TBL1XR1: variants seen among roughly 807,000 people sequenced by gnomAD.
TBL1XR1 encodes F-box-like/WD repeat-containing protein TBL1XR1.
TBL1XR1 carries 5 observed loss-of-function variants against 66.9 expected under a neutral mutation model. The ratio of observed to expected loss-of-function variants is 0.07; its 90% CI spans 0.04 to 0.16. TBL1XR1 has a LOEUF of 0.16. TBL1XR1 is among the 10% of genes least tolerant of loss of function. The probability of loss-of-function intolerance (pLI) is 1.00; values close to 1 mark genes in which losing one functional copy is unlikely to be tolerated. For missense variants in TBL1XR1, 238 were observed against 623.2 expected (o/e 0.38, Z 6.58); for synonymous variants, 210 against 206.0 (o/e 1.02, Z -0.17).
chr3:177,162,949 T>C (rs1458650234), intron 1 of TBL1XR1, among the ~76,000 whole-genome samples: 1 of 152,230 alleles, frequency 6.6e-6, no homozygotes, highest in East Asian at 1.9e-4. Flanking sequence ...AGAGCAGGAA[T>C]GTAAACCGGT....
At chr3:177,031,034 C>T (rs902382051) in intron 14 of TBL1XR1, among the ~76,000 whole-genome samples, 4 of 152,172 alleles carry the variant, frequency 2.6e-5, no homozygotes, top group Non-Finnish European at 4.4e-5. Context: ...ATCGCTTGAA[C>T]CCAGGAGGTG....
intron 1 of TBL1XR1, 74 bp downstream of exon 1, chr3:177,197,047 G>A (rs1736958190): frequency 1.0e-5 from 1 of 97,044 alleles, no homozygotes; most frequent in Admixed American, 1.1e-4. Flanking sequence ...CAGCGCCCCC[G>A]GCCGCCTCTG....
chr3:177,178,192 A>T (rs1734380394), intron 1 of TBL1XR1, among the ~76,000 whole-genome samples: 1 of 152,204 alleles, frequency 6.6e-6, no homozygotes, highest in South Asian at 2.1e-4. Context: ...GCCAGGGGCC[A>T]GATCGCACAG....
rs1726830490 is a variant in TBL1XR1, at chr3:177,120,275, ACCT to A, written c.-121-21737_-121-21735del. Among the ~76,000 whole-genome samples the A allele has an allele frequency of 4.6e-5, 7 of 151,324 alleles. 1 individual carries two copies. In the South Asian group the frequency reaches 1.5e-3, roughly 32 times the overall value. On this transcript the variant is annotated intron_variant, in intron 1 of 15. Coordinates refer to ENST00000457928, the MANE Select transcript of TBL1XR1 (RefSeq NM_024665.7). ...CTGTCTACCTTTCAAGATGCAGATG[ACCT>A]CCTTCCTGATGAAAGCTTTCTCTTA...
chr3:177,080,211 A>G (rs1721227528), intron 2 of TBL1XR1, among the ~76,000 whole-genome samples: 1 of 152,220 alleles, frequency 6.6e-6, no homozygotes, highest in Non-Finnish European at 1.5e-5. Flanking sequence ...TAACTGCTAG[A>G]AAGGTTTTTA....
At chr3:177,075,790 A>AC (rs1189856525) in intron 2 of TBL1XR1, among the ~76,000 whole-genome samples, 3 of 152,180 alleles carry the variant, frequency 2.0e-5, no homozygotes, top group Non-Finnish European at 4.4e-5. Context: ...AATTAGCGTG[A>AC]CAATAAAGTA....
intron 1 of TBL1XR1, among the ~76,000 whole-genome samples, chr3:177,154,685 G>A (rs1217783123): frequency 2.6e-5 from 4 of 152,002 alleles, no homozygotes; most frequent in Admixed American, 1.3e-4. Flanking sequence ...ATGAGCCACC[G>A]CGCCCGGCCG....
At chr3:177,115,443 T>C (rs1325099355) in intron 1 of TBL1XR1, among the ~76,000 whole-genome samples, 3 of 152,174 alleles carry the variant, frequency 2.0e-5, no homozygotes, top group Non-Finnish European at 4.4e-5. Context: ...GTCATTATCA[T>C]AGTCATATTG....
intron 1 of TBL1XR1, among the ~76,000 whole-genome samples, chr3:177,163,616 T>C (rs1170187608): frequency 1.3e-5 from 2 of 152,144 alleles, no homozygotes; most frequent in Non-Finnish European, 2.9e-5. Context: ...TATTTGTATT[T>C]AAAACAATAC....
chr3:177,188,090 C>A (rs1454077068), intron 1 of TBL1XR1, among the ~76,000 whole-genome samples: 1 of 151,886 alleles, frequency 6.6e-6, no homozygotes, highest in Non-Finnish European at 1.5e-5. Context: ...TGCCACCACA[C>A]CCGGCTAATT....
chr3:177,185,426 T>C (rs1245097707), intron 1 of TBL1XR1, among the ~76,000 whole-genome samples: 1 of 151,980 alleles, frequency 6.6e-6, no homozygotes, highest in Non-Finnish European at 1.5e-5. Flanking sequence ...CTGGCCAACA[T>C]GGCGAAACCC....
At chr3:177,174,971 C>T (rs145991528) in intron 1 of TBL1XR1, among the ~76,000 whole-genome samples, 1 of 152,272 alleles carries the variant, frequency 6.6e-6, no homozygotes, top group Non-Finnish European at 1.5e-5. Context: ...CATCATTTAC[C>T]AACTTAAAAA....
intron 12 of TBL1XR1, among the ~76,000 whole-genome samples, chr3:177,035,069 G>A (rs1303882072): frequency 6.6e-6 from 1 of 152,054 alleles, no homozygotes; most frequent in Non-Finnish European, 1.5e-5. Flanking sequence ...TTACATTTCC[G>A]TGACATAACC....
intron 1 of TBL1XR1, among the ~76,000 whole-genome samples, chr3:177,104,012 A>G (rs995750630): frequency 6.6e-6 from 1 of 151,662 alleles, no homozygotes; most frequent in Non-Finnish European, 1.5e-5. Context: ...GCTACTCGGG[A>G]GGCTGAGGCA....
intron 1 of TBL1XR1, among the ~76,000 whole-genome samples, chr3:177,112,814 C>A (rs542223766): frequency 2.6e-5 from 4 of 152,038 alleles, no homozygotes; most frequent in African/African-American, 9.6e-5. Context: ...ACCAGCCTGG[C>A]CAACATGGTG....
At chr3:177,055,673 A>T (rs1249179758) in intron 3 of TBL1XR1, among the ~76,000 whole-genome samples, 1 of 152,086 alleles carries the variant, frequency 6.6e-6, no homozygotes, top group Non-Finnish European at 1.5e-5. Flanking sequence ...AATAAGGATG[A>T]GGGAGGATGG....
At chr3:177,137,237 A>T (rs1209509266) in intron 1 of TBL1XR1, among the ~76,000 whole-genome samples, 1 of 152,372 alleles carries the variant, frequency 6.6e-6, no homozygotes, top group African/African-American at 2.4e-5. Context: ...TTGCGCCTGT[A>T]ATCCCAGCAC....
chr3:177,122,073 T>A (rs192330112), intron 1 of TBL1XR1, among the ~76,000 whole-genome samples: 2 of 152,288 alleles, frequency 1.3e-5, no homozygotes, highest in Admixed American at 6.5e-5. Context: ...AAAGTATTAA[T>A]AAGCAACGTT....
chr3:177,024,713 G>GAAAAAAAAAAAAAAAAACAAAAAAA lies in TBL1XR1; in HGVS notation c.*784_*785insTTTTTTTGTTTTTTTTTTTTTTTTT, dbSNP rs148659524. ...AGCCACATCACCAAAAAACAAAAAAGAAAAAAAAAAAAAAAAAGCAAAACA... is the reference window on the plus strand; with the variant it reads ...AGCCACATCACCAAAAAACAAAAAAGAAAAAAAAAAAAAAAAACAAAAAAAAAAAAAAAAAAAAAAAAGCAAAACA... On this transcript the variant is annotated 3_prime_UTR_variant, in exon 16 of 16. Transcript: ENST00000457928. The GAAAAAAAAAAAAAAAAACAAAAAAA allele has an allele frequency of 2.3e-5, 2 of 85,364 alleles. No homozygotes were observed. The highest frequency in any genetic ancestry group is 2.5e-5 in the Non-Finnish European group (1 of 39,956). The allele number at this position is 85,364 out of a possible 1,614,324, so 5.3% of individuals were successfully genotyped here. A position where few individuals can be genotyped will look rare whatever the true frequency, so the allele number is the denominator to read the frequency against.
Sources: allele counts gnomAD v4.1 joint callset (sites outside exome capture counted in the v4.1 genomes callset), GRCh38; gene constraint gnomAD v4.1.1; transcripts MANE v1.5; gene names NCBI Gene and HGNC (gene_info 2026-07-23, HGNC 2026-07-21).